The following SGCZ variants were observed in gnomAD, a reference collection of about 807,000 sequenced individuals.
SGCZ encodes the protein sarcoglycan zeta, also known as zeta-sarcoglycan.
A neutral mutation model predicts 41.3 loss-of-function variants in SGCZ; 40 were observed. The observed-to-expected ratio is 0.97, with a 90% CI of 0.75 to 1.26. SGCZ has a LOEUF of 1.26. Among genes scored for constraint, SGCZ ranks in the 50% most tolerant of loss-of-function variants. The probability of loss-of-function intolerance (pLI) is 0.00; values close to 1 mark genes in which losing one functional copy is unlikely to be tolerated. For missense variants in SGCZ, 552 were observed against 369.8 expected (o/e 1.49, Z -4.04); for synonymous variants, 206 against 137.5 (o/e 1.50, Z -3.49).
At chr8:15,120,910 A>T (rs1329504095) in intron 1 of SGCZ, among the ~76,000 whole-genome samples, 1 of 152,202 alleles carries the variant, frequency 6.6e-6, no homozygotes, top group Non-Finnish European at 1.5e-5. Context: ...TAATCCAAAA[A>T]CAGCCTCTGA....
rs556761511 is a variant in SGCZ at position 15,131,657 on chromosome 8, C to T, written c.39+105928G>A. On this transcript the variant is annotated intron_variant, in intron 1 of 7. Coordinates refer to ENST00000382080, the MANE Select transcript of SGCZ (RefSeq NM_139167.4). ...TGTGAGTCAGCTAAGTATGTTAGCG[C>T]GGCATCTTCTCAAGGAAAAGTTTTT... Among the ~76,000 whole-genome samples the T allele has an allele frequency of 1.1e-4, 17 of 152,238 alleles. No homozygotes were observed. In the South Asian group the frequency reaches 1.2e-3, roughly 11 times the overall value.
At chr8:15,232,375 T>G (rs1161337590) in intron 1 of SGCZ, among the ~76,000 whole-genome samples, 1 of 152,130 alleles carries the variant, frequency 6.6e-6, no homozygotes, top group East Asian at 1.9e-4. Context: ...ACTCTGGAGA[T>G]CAGCAAAACT....
At chr8:14,474,859 A>T (rs2116988033) in intron 2 of SGCZ, among the ~76,000 whole-genome samples, 1 of 152,312 alleles carries the variant, frequency 6.6e-6, no homozygotes, top group South Asian at 2.1e-4. Flanking sequence ...TTAATCTTGC[A>T]AATGCATCAT....
intron 5 of SGCZ, among the ~76,000 whole-genome samples, chr8:14,131,063 C>G (rs534967583): frequency 1.3e-5 from 2 of 152,286 alleles, no homozygotes; most frequent in African/African-American, 2.4e-5. Context: ...GTTTGGAACG[C>G]TGTCCCTCTG....
intron 1 of SGCZ, among the ~76,000 whole-genome samples, chr8:14,842,482 G>GGAAAGGAA (rs1457808351): frequency 7.8e-6 from 1 of 129,026 alleles, no homozygotes; most frequent in Admixed American, 8.0e-5. Flanking sequence ...AAGAAAGGAA[G>GGAAAGGAA]GAAAGGAAGG....
chr8:14,121,165 T>G (rs1802685359), intron 5 of SGCZ, among the ~76,000 whole-genome samples: 1 of 152,130 alleles, frequency 6.6e-6, no homozygotes, highest in African/African-American at 2.4e-5. Flanking sequence ...AAGTCAATGT[T>G]GAATATTGAA....
At chr8:14,166,800 G>C (rs1804225401) in intron 4 of SGCZ, among the ~76,000 whole-genome samples, 1 of 151,922 alleles carries the variant, frequency 6.6e-6, no homozygotes, top group East Asian at 1.9e-4. Flanking sequence ...AATAAGTGGA[G>C]AGGTGTCTGG....
intron 3 of SGCZ, among the ~76,000 whole-genome samples, chr8:14,323,605 T>C (rs540907926): frequency 6.6e-6 from 1 of 152,244 alleles, no homozygotes; most frequent in South Asian, 2.1e-4. Flanking sequence ...GTGAACACAC[T>C]CATATTTGAA....
At chr8:15,221,743 T>G (rs1176881253) in intron 1 of SGCZ, among the ~76,000 whole-genome samples, 1 of 152,198 alleles carries the variant, frequency 6.6e-6, no homozygotes, top group Non-Finnish European at 1.5e-5. Flanking sequence ...TACACTTTTT[T>G]TTAAACAAAA....
chr8:14,134,488 CTG>C (rs1423955292), intron 5 of SGCZ, among the ~76,000 whole-genome samples: 1 of 152,172 alleles, frequency 6.6e-6, no homozygotes, highest in Admixed American at 6.5e-5. Flanking sequence ...TTCAAATTAA[CTG>C]TGCCTGTAAT....
chr8:14,663,858 C>G (rs1205172008), intron 1 of SGCZ, among the ~76,000 whole-genome samples: 1 of 151,994 alleles, frequency 6.6e-6, no homozygotes, highest in African/African-American at 2.4e-5. Flanking sequence ...GCACTTAGAC[C>G]CATTCTATCC....
At chr8:15,053,675 G>T (rs986957691) in intron 1 of SGCZ, among the ~76,000 whole-genome samples, 1 of 152,084 alleles carries the variant, frequency 6.6e-6, no homozygotes, top group African/African-American at 2.4e-5. Context: ...TATTTGGGGG[G>T]GTTGGGGGCT....
At chr8:14,294,264 T>C (rs1179112295) in intron 3 of SGCZ, among the ~76,000 whole-genome samples, 1 of 151,888 alleles carries the variant, frequency 6.6e-6, no homozygotes, top group Non-Finnish European at 1.5e-5. Flanking sequence ...GTGAGCTTCA[T>C]TTGGGAGAGA....
In SGCZ at chr8:15,077,365, T is replaced by G. The variant is rs148731991; in HGVS notation, c.39+160220A>C. 8.1e-4 allele frequency among the ~76,000 whole-genome samples: 123 copies of G among 152,362 alleles called. 1 individual carries two copies. In the East Asian group the frequency reaches 0.023, roughly 28 times the overall value. On this transcript the variant is annotated intron_variant, in intron 1 of 7. Coordinates refer to ENST00000382080, the MANE Select transcript of SGCZ (RefSeq NM_139167.4). ...ATTTACAGCTGTTATTGCAGTAATT[T>G]GGAGTGCTCTGCCTGGCAGATTTTC...
At chr8:14,313,407 G>A (rs1022689815) in intron 3 of SGCZ, among the ~76,000 whole-genome samples, 2 of 152,136 alleles carry the variant, frequency 1.3e-5, no homozygotes, top group Non-Finnish European at 2.9e-5. Flanking sequence ...TCCGCCTCCT[G>A]AGTTCAAGTG....
chr8:14,993,856 A>T (rs919268076), intron 1 of SGCZ, among the ~76,000 whole-genome samples: 1 of 152,194 alleles, frequency 6.6e-6, no homozygotes, highest in Non-Finnish European at 1.5e-5. Flanking sequence ...CACATGAGTT[A>T]GGAAGCCATC....
At chr8:14,811,986 T>A (rs944277385) in intron 1 of SGCZ, among the ~76,000 whole-genome samples, 3 of 151,982 alleles carry the variant, frequency 2.0e-5, no homozygotes, top group Non-Finnish European at 4.4e-5. Flanking sequence ...GAGAATGATA[T>A]GCAACTCAGG....
chr8:14,869,060 A>T (rs909829729), intron 1 of SGCZ, among the ~76,000 whole-genome samples: 2 of 152,158 alleles, frequency 1.3e-5, no homozygotes, highest in Non-Finnish European at 2.9e-5. Flanking sequence ...AACAACAGAA[A>T]AAAGGAACTC....
intron 1 of SGCZ, among the ~76,000 whole-genome samples, chr8:15,172,012 C>CTAA (rs1239548421): frequency 6.6e-6 from 1 of 151,964 alleles, no homozygotes; most frequent in African/African-American, 2.4e-5. Flanking sequence ...GCAAAGAGAA[C>CTAA]TAATAACTTG....
Sources: allele counts gnomAD v4.1 joint callset (sites outside exome capture counted in the v4.1 genomes callset), GRCh38; gene constraint gnomAD v4.1.1; transcripts MANE v1.5; gene names NCBI Gene and HGNC (gene_info 2026-07-23, HGNC 2026-07-21).